Variants in UNC13C observed in about 807,000 individuals in gnomAD.
UNC13C encodes unc-13 homolog C, also known as protein unc-13 homolog C.
A neutral mutation model predicts 245.4 loss-of-function variants in UNC13C; 174 were observed. The observed-to-expected ratio is 0.71, with a 90% CI of 0.63 to 0.80. The LOEUF is 0.80. Ranked by LOEUF, UNC13C falls within the 30% of genes least tolerant of loss-of-function variation. UNC13C has a pLI of 0.00. For synonymous variants in UNC13C, 992 were observed against 895.1 expected, an observed-to-expected ratio of 1.11 and a Z score of -1.93; for missense variants, 2,829 against 2,602.9, an observed-to-expected ratio of 1.09 and a Z score of -1.89.
intron 17 of UNC13C, among the ~76,000 whole-genome samples, chr15:54,359,903 G>A (rs1435015781): frequency 6.6e-6 from 1 of 151,556 alleles, no homozygotes; most frequent in Non-Finnish European, 1.5e-5. Context: ...GTTGGTTTTT[G>A]TTTTTCTAGT....
intron 19 of UNC13C, among the ~76,000 whole-genome samples, chr15:54,436,303 T>A (rs1198388335): frequency 6.6e-6 from 1 of 152,010 alleles, no homozygotes; most frequent in Non-Finnish European, 1.5e-5. Context: ...AGCAATCTCA[T>A]TACTGGTTAT....
chr15:53,896,625 T>G, the UNC13C span, among the ~76,000 whole-genome samples: 4 of 152,094 alleles, frequency 2.6e-5, no homozygotes, highest in Admixed American at 1.3e-4. Context: ...CCATCCCTCT[T>G]CCTTAAAGGG....
At chr15:54,034,522 C>T (rs753199972) in intron 2 of UNC13C, among the ~76,000 whole-genome samples, 2 of 152,146 alleles carry the variant, frequency 1.3e-5, no homozygotes, top group African/African-American at 2.4e-5. Flanking sequence ...AATTGTTTCT[C>T]TCAATAATTC....
At chr15:54,192,884 T>C (rs2034233059) in intron 4 of UNC13C, among the ~76,000 whole-genome samples, 1 of 149,558 alleles carries the variant, frequency 6.7e-6, no homozygotes, top group Non-Finnish European at 1.5e-5. Flanking sequence ...TCTCTTTCTT[T>C]CTCTTTCTCT....
intron 25 of UNC13C, among the ~76,000 whole-genome samples, chr15:54,528,354 G>A (rs1418549435): frequency 1.4e-5 from 2 of 146,064 alleles, no homozygotes; most frequent in Admixed American, 6.9e-5. Flanking sequence ...AACACCTTTA[G>A]TACTAGAGGC....
At chr15:54,546,556 T>A (rs1432632748) in intron 26 of UNC13C, among the ~76,000 whole-genome samples, 166 bp from the exon 27 acceptor site, 1 of 152,170 alleles carries the variant, frequency 6.6e-6, no homozygotes, top group Non-Finnish European at 1.5e-5. Context: ...TTCCATCAAA[T>A]ATAGAGAATT....
intron 2 of UNC13C, among the ~76,000 whole-genome samples, chr15:54,032,918 A>G (rs1444980350): frequency 6.6e-6 from 1 of 152,202 alleles, no homozygotes; most frequent in Non-Finnish European, 1.5e-5. Context: ...CTCACTCATA[A>G]GTGGGAGCTA....
chr15:54,010,059 G>A (rs1485350222), intron 1 of UNC13C, among the ~76,000 whole-genome samples: 1 of 152,156 alleles, frequency 6.6e-6, no homozygotes, highest in East Asian at 1.9e-4. Context: ...TGTCTCAGAT[G>A]CTTCCCTTCT....
rs529521472 is a variant in UNC13C at position 54,447,701 on chromosome 15, T to C, written c.4933+32634T>C. ...ACTCTTGCTAGTGGTCTATCAATTT[T>C]GTTGATCTTTTCAAAAAAACCAGCT... On this transcript the variant is annotated intron_variant, in intron 19 of 32. Transcript: ENST00000260323. 6.6e-5 allele frequency among the ~76,000 whole-genome samples: 10 copies of C among 152,176 alleles called. No homozygotes were observed. The South Asian group carries it at 2.1e-3, about 32-fold the overall frequency.
chr15:54,551,289 GA>G (rs985000615), intron 28 of UNC13C, among the ~76,000 whole-genome samples: 1 of 152,022 alleles, frequency 6.6e-6, no homozygotes, highest in Admixed American at 6.6e-5. Context: ...ATCTTGTAGA[GA>G]AAAACACCCA....
At chr15:54,450,707 C>T (rs895311064) in intron 19 of UNC13C, among the ~76,000 whole-genome samples, 2 of 152,202 alleles carry the variant, frequency 1.3e-5, no homozygotes, top group African/African-American at 2.4e-5. Context: ...TTCCCTGACC[C>T]CTTGCGCTTC....
At chr15:54,348,171 T>A (rs1323428584) in intron 17 of UNC13C, among the ~76,000 whole-genome samples, 1 of 152,174 alleles carries the variant, frequency 6.6e-6, no homozygotes, top group Non-Finnish European at 1.5e-5. Context: ...AATTCCGATT[T>A]TTCACAATTA....
intron 2 of UNC13C, among the ~76,000 whole-genome samples, chr15:54,124,297 A>T (rs1026681772): frequency 6.6e-6 from 1 of 152,110 alleles, no homozygotes; most frequent in African/African-American, 2.4e-5. Context: ...CATCCTCTCC[A>T]CCATTTGGTA....
Position 54,156,451 on chromosome 15 carries a change from A to G in UNC13C, c.3071+12767A>G, listed in dbSNP as rs183151778. On this transcript the variant is annotated intron_variant, in intron 4 of 32. Transcript: ENST00000260323. ...CATCTGCCCTATAATCTTCACATAT[A>G]AAGACCTCTTCAGGAAACAATACTT... Among the ~76,000 whole-genome samples, 767 of 152,324 alleles carry G rather than the reference A, an allele frequency of 5.0e-3. 2 individuals carry two copies. The highest frequency in any genetic ancestry group is 6.8e-3 in the Middle Eastern group (2 of 294).
intron 20 of UNC13C, among the ~76,000 whole-genome samples, chr15:54,496,045 T>C (rs1297429211): frequency 6.6e-6 from 1 of 152,024 alleles, no homozygotes; most frequent in African/African-American, 2.4e-5. Flanking sequence ...CTCTGAAAAG[T>C]TGCTAAGAGA....
chr15:54,182,792 T>C (rs1476130206), intron 4 of UNC13C, among the ~76,000 whole-genome samples: 1 of 152,000 alleles, frequency 6.6e-6, no homozygotes, highest in African/African-American at 2.4e-5. Context: ...AGCATGGAAC[T>C]TTAGGAAAGA....
At chr15:54,302,019 T>C (rs994724211) in intron 13 of UNC13C, among the ~76,000 whole-genome samples, 2 of 152,202 alleles carry the variant, frequency 1.3e-5, no homozygotes, top group African/African-American at 4.8e-5. Flanking sequence ...TGGTTTTGAT[T>C]TGCATTTCTC....
chr15:54,511,335 T>A (rs1323435665), intron 23 of UNC13C, among the ~76,000 whole-genome samples: 1 of 152,160 alleles, frequency 6.6e-6, no homozygotes, highest in African/African-American at 2.4e-5. Flanking sequence ...TTTAAGTTTA[T>A]TTTTAAAATG....
rs1896314340 is a variant in UNC13C, at chr15:54,542,981, G to T, written c.5697-3741G>T. Among the ~76,000 whole-genome samples, 3 of 152,140 alleles carry T rather than the reference G, an allele frequency of 2.0e-5. No individual in the cohort carries two copies. The South Asian group carries it at 6.2e-4, about 32-fold the overall frequency. On this transcript the variant is annotated intron_variant, in intron 26 of 32. Transcript: ENST00000260323. ...TACCAGTCTGTGTCTTTTAATTGGG[G>T]TATTTAGTCCATTTACATTTAAGAT...
Sources: gnomAD v4.1 joint callset for allele counts (sites outside exome capture counted in the v4.1 genomes callset) on GRCh38, gnomAD v4.1.1 for gene constraint, MANE v1.5 for transcripts, NCBI Gene and HGNC (gene_info 2026-07-23, HGNC 2026-07-21) for gene names.